Variants in CD96 observed in about 807,000 individuals in gnomAD.
CD96 encodes the protein CD96 molecule, also known as T-cell surface protein tactile.
A neutral mutation model predicts 71.3 loss-of-function variants in CD96; 70 were observed. The observed-to-expected ratio is 0.98, with a 90% CI of 0.81 to 1.20. The LOEUF is 1.20. CD96 is among the 50% of genes most tolerant of loss of function. The pLI is 0.00. For synonymous variants in CD96, 248 were observed against 233.0 expected (o/e 1.06, Z -0.59); for missense variants, 742 against 677.5 (o/e 1.10, Z -1.06).
chr3:111,654,930 G>A (rs551644593), downstream of CD96, among the ~76,000 whole-genome samples: 74 of 152,344 alleles, frequency 4.9e-4, no homozygotes, highest in South Asian at 9.5e-3. Flanking sequence ...AAGTTTGATA[G>A]TGGACCTCAT....
chr3:111,619,774 C>T (rs1216067792), intron 8 of CD96, among the ~76,000 whole-genome samples: 1 of 152,174 alleles, frequency 6.6e-6, no homozygotes, highest in Admixed American at 6.5e-5. Context: ...GACAGTCAGA[C>T]ATGTTCTTAT....
intron 9 of CD96, 100 bp downstream of exon 9, chr3:111,623,922 A>G: frequency 2.5e-6 from 2 of 811,536 alleles, no homozygotes; most frequent in Non-Finnish European, 4.4e-6. Flanking sequence ...AAACAGCTGT[A>G]TTTTTCATTT....
intron 3 of CD96, chr3:111,577,552 A>ATGTAAATTG: frequency 6.3e-7 from 1 of 1,584,810 alleles, no homozygotes; most frequent in Non-Finnish European, 8.7e-7. Flanking sequence ...GTATAAAGGT[A>ATGTAAATTG]TGTAAATTGC....
intron 3 of CD96, among the ~76,000 whole-genome samples, chr3:111,568,836 T>C (rs1935843931): frequency 6.6e-6 from 1 of 152,136 alleles, no homozygotes; most frequent in Non-Finnish European, 1.5e-5. Context: ...AACCAGTGTA[T>C]ACAGTAAACC....
At chr3:111,608,874 G>T (rs917166101) in intron 8 of CD96, among the ~76,000 whole-genome samples, 4 of 152,152 alleles carry the variant, frequency 2.6e-5, no homozygotes, top group South Asian at 2.1e-4. Context: ...CCTTCAGAAA[G>T]GTTGCAGTCT....
intron 3 of CD96, among the ~76,000 whole-genome samples, chr3:111,571,841 A>G (rs1258433088): frequency 1.3e-5 from 2 of 152,256 alleles, no homozygotes; most frequent in African/African-American, 2.4e-5. Flanking sequence ...TAATGTCCTT[A>G]TAAAGTAGAT....
chr3:111,573,136 G>A (rs1486811064), intron 3 of CD96, among the ~76,000 whole-genome samples: 1 of 152,190 alleles, frequency 6.6e-6, no homozygotes, highest in Non-Finnish European at 1.5e-5. Context: ...AAGATAAGTG[G>A]TATTTTTTCC....
intron 2 of CD96, among the ~76,000 whole-genome samples, chr3:111,550,326 A>T (rs1190769798): frequency 1.3e-5 from 2 of 152,138 alleles, no homozygotes; most frequent in Non-Finnish European, 2.9e-5. Context: ...CAGCACATTG[A>T]TATGACTTTC....
chr3:111,654,232 T>C (rs530572762), downstream of CD96, among the ~76,000 whole-genome samples: 7 of 152,346 alleles, frequency 4.6e-5, no homozygotes, highest in African/African-American at 1.7e-4. Context: ...CCACATTAAC[T>C]GGCAGAAACA....
At chr3:111,546,913 G>GACACACAC (rs1491160910) in intron 2 of CD96, among the ~76,000 whole-genome samples, 3 of 51,892 alleles carry the variant, frequency 5.8e-5, no homozygotes, top group Admixed American at 4.1e-4. Context: ...CACACACACA[G>GACACACAC]ACACATACAC....
rs546259409 is a variant in CD96 at position 111,638,419 on chromosome 3, G to A, written c.1477+251G>A. 3.9e-5 allele frequency among the ~76,000 whole-genome samples: 6 copies of A among 152,278 alleles called. No homozygotes were observed. In the East Asian group the frequency reaches 1.2e-3, roughly 29 times the overall value. ...AAACAGGAAGTTCTGATTTTAATTG[G>A]AGGATAGGAGAGGACTCTGTGAGGA... is the stretch of plus-strand genomic sequence containing the variant. On this transcript the variant is annotated intron_variant, in intron 12 of 13. Coordinates refer to ENST00000352690, the MANE Select transcript of CD96 (RefSeq NM_005816.5).
At chr3:111,665,946 G>A (rs1489598373), downstream of CD96, among the ~76,000 whole-genome samples, 1 of 152,108 alleles carries the variant, frequency 6.6e-6, no homozygotes, top group African/African-American at 2.4e-5. Flanking sequence ...CAAATTTTGG[G>A]TACACAGCTT....
chr3:111,605,070 A>G (rs1318873178), intron 7 of CD96, among the ~76,000 whole-genome samples: 1 of 152,228 alleles, frequency 6.6e-6, no homozygotes, highest in Admixed American at 6.5e-5. Context: ...CAGCTGTCAG[A>G]CACACACTTA....
intron 12 of CD96, among the ~76,000 whole-genome samples, chr3:111,639,598 C>T (rs973615439): frequency 6.6e-6 from 1 of 152,180 alleles, no homozygotes; most frequent in South Asian, 2.1e-4. Context: ...TAAGGCCCCG[C>T]CCACCACCAG....
chr3:111,585,612 AG>A (rs1427842928), intron 5 of CD96, among the ~76,000 whole-genome samples: 1 of 150,120 alleles, frequency 6.7e-6, no homozygotes, highest in African/African-American at 2.4e-5. Context: ...TAAATTTCTC[AG>A]AAAAAAAAAT....
At chr3:111,543,430 G>A (rs1214581210) in intron 1 of CD96, among the ~76,000 whole-genome samples, 1 of 152,114 alleles carries the variant, frequency 6.6e-6, no homozygotes, top group African/African-American at 2.4e-5. Flanking sequence ...GATTAGAGGT[G>A]ATACTAAGTG....
chr3:111,556,296 C>T (rs55776639), intron 2 of CD96, among the ~76,000 whole-genome samples: 16,586 of 146,312 alleles, frequency 0.11, 1,052 homozygotes, highest in Non-Finnish European at 0.13. Flanking sequence ...GCTGGTGCGC[C>T]GCACCCACTA....
intron 3 of CD96, among the ~76,000 whole-genome samples, chr3:111,568,807 C>A: frequency 6.6e-6 from 1 of 151,958 alleles, no homozygotes; most frequent in East Asian, 1.9e-4. Flanking sequence ...GTTAGTCAAC[C>A]AAATGGCAGC....
At chr3:111,640,549 G>T (rs901971125) in intron 12 of CD96, among the ~76,000 whole-genome samples, 2 of 152,174 alleles carry the variant, frequency 1.3e-5, no homozygotes, top group Non-Finnish European at 2.9e-5. Flanking sequence ...AATTCTAAAA[G>T]CCTGGAAAAC....
Sources: allele counts gnomAD v4.1 joint callset (sites outside exome capture counted in the v4.1 genomes callset), GRCh38; gene constraint gnomAD v4.1.1; transcripts MANE v1.5; gene names NCBI Gene and HGNC (gene_info 2026-07-23, HGNC 2026-07-21).